XPR1: variants seen among roughly 807,000 people sequenced by gnomAD.
The protein encoded by XPR1 is solute carrier family 53 member 1.
In XPR1, 28 loss-of-function variants were observed where a neutral mutation model predicts 87.5. The observed-to-expected ratio is 0.32, with a 90% CI of 0.24 to 0.44. The LOEUF (loss-of-function observed/expected upper bound fraction) is 0.44, where lower values mean the gene tolerates loss of function less well. Among genes scored for constraint, XPR1 ranks in the 20% least tolerant of loss-of-function variants. The pLI is 1.00. For missense variants in XPR1, 559 were observed against 862.3 expected (o/e 0.65, Z 4.41); for synonymous variants, 300 against 306.1 (o/e 0.98, Z 0.21).
intron 1 of XPR1, among the ~76,000 whole-genome samples, chr1:180,640,509 A>G (rs1654930611): frequency 6.6e-6 from 1 of 152,244 alleles, no homozygotes; most frequent in African/African-American, 2.4e-5. Flanking sequence ...AAAAATGAAT[A>G]AATCCATCCA....
At chr1:180,687,787 T>C (rs1009517968) in intron 2 of XPR1, among the ~76,000 whole-genome samples, 2 of 151,928 alleles carry the variant, frequency 1.3e-5, no homozygotes, top group African/African-American at 4.8e-5. Flanking sequence ...GTGCTAATAT[T>C]CTGAAATAAT....
At chr1:180,695,658 A>G (rs1657141035) in intron 2 of XPR1, among the ~76,000 whole-genome samples, 1 of 152,076 alleles carries the variant, frequency 6.6e-6, no homozygotes, top group Non-Finnish European at 1.5e-5. Flanking sequence ...ATGGATATCC[A>G]GTTTTCCCAG....
chr1:180,653,922 C>T (rs1441262830), intron 1 of XPR1, among the ~76,000 whole-genome samples: 1 of 152,150 alleles, frequency 6.6e-6, no homozygotes, highest in Non-Finnish European at 1.5e-5. Context: ...TTATTTGCTT[C>T]TGGAATTTTC....
intron 11 of XPR1, among the ~76,000 whole-genome samples, chr1:180,859,365 C>T (rs1018043893): frequency 1.3e-5 from 2 of 151,962 alleles, no homozygotes; most frequent in Non-Finnish European, 2.9e-5. Context: ...AATTATGCTG[C>T]GAATGTGGCA....
At chr1:180,758,071 A>G (rs1220695520) in intron 2 of XPR1, among the ~76,000 whole-genome samples, 2 of 151,514 alleles carry the variant, frequency 1.3e-5, no homozygotes, top group African/African-American at 4.9e-5. Flanking sequence ...TCCTAAAGAA[A>G]TAGAAGGATA....
chr1:180,669,696 T>A (rs7519125), intron 1 of XPR1, among the ~76,000 whole-genome samples: 6,515 of 152,242 alleles, frequency 0.043, 483 homozygotes, highest in African/African-American at 0.15. Context: ...CCATGGGGGA[T>A]GTTCCAAGAC....
intron 2 of XPR1, among the ~76,000 whole-genome samples, chr1:180,733,698 A>T (rs1658633866): frequency 6.6e-6 from 1 of 152,228 alleles, no homozygotes; most frequent in Non-Finnish European, 1.5e-5. Flanking sequence ...GGATTTAAGA[A>T]CTATTAAAGG....
intron 2 of XPR1, among the ~76,000 whole-genome samples, chr1:180,692,136 G>T (rs1400528051): frequency 6.6e-6 from 1 of 152,072 alleles, no homozygotes; most frequent in African/African-American, 2.4e-5. Flanking sequence ...TACATTTTCA[G>T]CTGGGCAAAG....
rs140194548 is a variant in XPR1, at chr1:180,890,241, G to A, written c.*6175G>A. 6 of 152,284 alleles carry A rather than the reference G, an allele frequency of 3.9e-5. No homozygotes were observed. The highest frequency in any genetic ancestry group is 1.4e-4 in the African/African-American group (6 of 41,558). 9.4% of individuals were successfully genotyped at this position (152,284 alleles called of 1,614,324 possible). A position where few individuals can be genotyped will look rare whatever the true frequency, so the allele number is the denominator to read the frequency against. The stretch of plus-strand genomic sequence containing the variant: ...TTTTTCATTATTACAATTTCTCTCT[G>A]TTTTCCAACAGTTTGCTGACTCCTT... On this transcript the variant is annotated 3_prime_UTR_variant, in exon 15 of 15. Transcript: ENST00000367590.
At chr1:180,712,244 C>G (rs895520049) in intron 2 of XPR1, among the ~76,000 whole-genome samples, 1 of 152,152 alleles carries the variant, frequency 6.6e-6, no homozygotes, top group African/African-American at 2.4e-5. Context: ...AACACAAGCA[C>G]TGAAGTACCA....
At chr1:180,706,187 T>G (rs2101977026) in intron 2 of XPR1, among the ~76,000 whole-genome samples, 1 of 152,336 alleles carries the variant, frequency 6.6e-6, no homozygotes, top group South Asian at 2.1e-4. Context: ...TTCTAAGATT[T>G]GGAGTTACTA....
At chr1:180,862,937 T>C (rs147499401) in intron 11 of XPR1, among the ~76,000 whole-genome samples, 101 of 152,238 alleles carry the variant, frequency 6.6e-4, no homozygotes, top group Middle Eastern at 3.4e-3. Context: ...AAGAATTTCA[T>C]TAGATAGTAT....
chr1:180,667,087 A>G (rs1557947456), intron 1 of XPR1, among the ~76,000 whole-genome samples: 1 of 151,344 alleles, frequency 6.6e-6, no homozygotes, highest in Non-Finnish European at 1.5e-5. Context: ...TAATTTTTGT[A>G]TTTTTTTTGT....
At chr1:180,778,152 T>TA (rs1558003753) in intron 2 of XPR1, among the ~76,000 whole-genome samples, 1 of 152,016 alleles carries the variant, frequency 6.6e-6, no homozygotes, top group African/African-American at 2.4e-5. Flanking sequence ...AGCTAATTTT[T>TA]AAAAAAATTT....
At chr1:180,849,713 G>A (rs975332168) in intron 11 of XPR1, among the ~76,000 whole-genome samples, 4 of 152,204 alleles carry the variant, frequency 2.6e-5, no homozygotes, top group African/African-American at 9.7e-5. Context: ...CTGGGTGAGA[G>A]TGTGGGCTTT....
At chr1:180,853,795 T>G (rs1651948352) in intron 11 of XPR1, among the ~76,000 whole-genome samples, 1 of 149,896 alleles carries the variant, frequency 6.7e-6, no homozygotes, top group African/African-American at 2.5e-5. Flanking sequence ...CATGTGGTTT[T>G]TTTTTTTTTT....
chr1:180,760,018 G>A (rs1647944249), intron 2 of XPR1, among the ~76,000 whole-genome samples: 1 of 152,150 alleles, frequency 6.6e-6, no homozygotes, highest in Non-Finnish European at 1.5e-5. Flanking sequence ...AAAATCACAT[G>A]ATTATCTCAA....
intron 2 of XPR1, among the ~76,000 whole-genome samples, chr1:180,762,922 ATTCTT>A (rs2102055154): frequency 6.6e-6 from 1 of 152,288 alleles, no homozygotes; most frequent in South Asian, 2.1e-4. Context: ...TTGCCAGTCT[ATTCTT>A]ATGCAACAAA....
At chr1:180,777,793 A>G (rs1235886249) in intron 2 of XPR1, among the ~76,000 whole-genome samples, 3 of 152,120 alleles carry the variant, frequency 2.0e-5, no homozygotes, top group Admixed American at 6.6e-5. Flanking sequence ...TATTCTTTCT[A>G]TATTTGATGG....
Sources: gnomAD v4.1 joint callset for allele counts (sites outside exome capture counted in the v4.1 genomes callset) on GRCh38, gnomAD v4.1.1 for gene constraint, MANE v1.5 for transcripts, NCBI Gene and HGNC (gene_info 2026-07-23, HGNC 2026-07-21) for gene names.